The following ENTPD3 variants were observed in gnomAD, a reference collection of about 807,000 sequenced individuals.
The protein encoded by ENTPD3 is CD39 antigen-like 3.
Under a neutral mutation model 51.2 loss-of-function variants are expected in ENTPD3, and 60 were observed. The ratio of observed to expected loss-of-function variants is 1.17; its 90% CI spans 0.95 to 1.45. ENTPD3 has a LOEUF of 1.45. ENTPD3 is among the 40% of genes most tolerant of loss of function. ENTPD3 has a pLI of 0.00. For synonymous variants in ENTPD3, 221 were observed against 238.4 expected, an observed-to-expected ratio of 0.93 and a Z score of 0.67; for missense variants, 593 against 641.1, an observed-to-expected ratio of 0.93 and a Z score of 0.81.
intron 2 of ENTPD3, 141 bp downstream of exon 2, chr3:40,388,238 T>A: frequency 1.4e-6 from 1 of 730,212 alleles, no homozygotes; most frequent in South Asian, 1.7e-5. Context: ...TCAGCTGGGT[T>A]TCAACACCGG....
At chr3:40,416,949 ACT>A (rs1049779675) in intron 7 of ENTPD3, among the ~76,000 whole-genome samples, 14 of 151,582 alleles carry the variant, frequency 9.2e-5, no homozygotes, top group Admixed American at 7.2e-4. Context: ...ACAGGAACAG[ACT>A]CTATCCTGCA....
chr3:40,399,280 G>A (rs1008908499), intron 3 of ENTPD3, among the ~76,000 whole-genome samples: 1 of 152,136 alleles, frequency 6.6e-6, no homozygotes, highest in Non-Finnish European at 1.5e-5. Context: ...TTGGATTTGA[G>A]GGATGCTTTG....
rs1955919029 is a variant in ENTPD3 at position 40,423,363 on chromosome 3, T to G, written c.1177T>G (p.Ser393Ala). Reference sequence around the variant, plus strand: ...TAGCTTTTCCCTGGACACCTTCAACTCCAGCACCTGGAATTTCTGCTCACA... The same window carrying G: ...TAGCTTTTCCCTGGACACCTTCAACGCCAGCACCTGGAATTTCTGCTCACA... ...SGSFSLDTFN[S>A]STWNFCSQNW... The change falls in exon 9 of 11, where the codon TCC (serine) becomes GCC (alanine). Residue 393 changes from serine (S) to alanine (A), a missense_variant. Ser to Ala is a moderately conservative substitution (Grantham distance 99). Transcript: ENST00000301825. The G allele has an allele frequency of 1.9e-6, 3 of 1,613,918 alleles. No individual in the cohort carries two copies. In the East Asian group the frequency reaches 6.7e-5, roughly 36 times the overall value.
At chr3:40,409,420 G>T (rs1955578447) in intron 4 of ENTPD3, among the ~76,000 whole-genome samples, 1 of 152,170 alleles carries the variant, frequency 6.6e-6, no homozygotes, top group Non-Finnish European at 1.5e-5. Context: ...GTTGTAGGAG[G>T]TCATTGCCCC....
intron 1 of ENTPD3, among the ~76,000 whole-genome samples, chr3:40,387,617 C>G (rs1483466589): frequency 6.6e-6 from 1 of 152,148 alleles, no homozygotes; most frequent in Non-Finnish European, 1.5e-5. Context: ...TAAAGACTCC[C>G]TTCCCGGGGC....
chr3:40,389,534 G>A (rs576030606), intron 2 of ENTPD3, among the ~76,000 whole-genome samples: 14 of 152,316 alleles, frequency 9.2e-5, no homozygotes, highest in African/African-American at 3.4e-4. Flanking sequence ...CAGATGGCAT[G>A]CTTATTTGCA....
At chr3:40,413,322 A>C (rs1955676463) in intron 5 of ENTPD3, among the ~76,000 whole-genome samples, 1 of 152,194 alleles carries the variant, frequency 6.6e-6, no homozygotes, top group Non-Finnish European at 1.5e-5. Context: ...ACTTGACTTC[A>C]GGTAATAAGT....
Position 40,411,900 on chromosome 3 carries a change from A to C in ENTPD3, c.375A>C (p.Pro125=). ...ECMQKVKGQV[P]SHLHGSTPIH... Reference sequence around the variant, plus strand: ...TGCAAAAAGTCAAGGGGCAGGTTCCATCCCACCTCCACGGATCCACCCCCA... The same window carrying C: ...TGCAAAAAGTCAAGGGGCAGGTTCCCTCCCACCTCCACGGATCCACCCCCA... The change falls in exon 5 of 11, where the codon CCA becomes CCC. Residue 125 remains proline, a synonymous_variant. Coordinates refer to ENST00000301825, the MANE Select transcript of ENTPD3 (RefSeq NM_001248.4). The C allele has an allele frequency of 6.2e-7, 1 of 1,612,862 alleles. No homozygotes were observed. Among genetic ancestry groups the C allele is most frequent in the South Asian group, 1.1e-5 (1 of 90,660 alleles).
chr3:40,425,225 C>G (rs1955958140), intron 10 of ENTPD3, among the ~76,000 whole-genome samples: 1 of 151,918 alleles, frequency 6.6e-6, no homozygotes, highest in Non-Finnish European at 1.5e-5. Context: ...TGAGACCAGC[C>G]TGACCAACAT....
Position 40,400,370 on chromosome 3 carries a change from G to C in ENTPD3, c.169-524G>C, listed in dbSNP as rs112600724. Among the ~76,000 whole-genome samples, 844 of 152,038 alleles carry C rather than the reference G, an allele frequency of 5.6e-3. 7 individuals are homozygous for C. The highest frequency in any genetic ancestry group is 0.018 in the African/African-American group (757 of 41,454). ...TGGTTGTTTATTTTTAGACTGATAA[G>C]CCTAGAAGTTTGGAAATAGAGGGCA... On this transcript the variant is annotated intron_variant, in intron 3 of 10. Coordinates refer to ENST00000301825, the MANE Select transcript of ENTPD3 (RefSeq NM_001248.4).
Position 40,428,002 on chromosome 3 carries a change from T to C in ENTPD3, c.*494T>C, listed in dbSNP as rs1956015637. On this transcript the variant is annotated 3_prime_UTR_variant, in exon 11 of 11. Transcript: ENST00000301825. ...TAAGCAGTGAACCCCCTCAGATCAG[T>C]AGAATATAGTATCTGGGGGAGAAGA... The C allele has an allele frequency of 5.9e-6, 1 of 168,192 alleles. No homozygotes were observed. The highest frequency in any genetic ancestry group is 5.4e-5 in the Admixed American group (1 of 18,364). The allele number at this position is 168,192 out of a possible 1,614,324, so 10.4% of individuals were successfully genotyped here.
chr3:40,414,162 G>A (rs955494385), intron 5 of ENTPD3, among the ~76,000 whole-genome samples: 2 of 152,184 alleles, frequency 1.3e-5, no homozygotes, highest in African/African-American at 4.8e-5. Flanking sequence ...CAGCCATGAT[G>A]ACTGTCATAT....
intron 4 of ENTPD3, among the ~76,000 whole-genome samples, chr3:40,409,113 C>A (rs11707673): frequency 0.26 from 39,297 of 151,522 alleles, 5,937 homozygotes; most frequent in East Asian, 0.48. Flanking sequence ...TTAGCCGGGT[C>A]TGTTGGTGCA....
At chr3:40,415,810 T>C (rs1463951653) in intron 6 of ENTPD3, 30 bp from the exon 7 acceptor site, 1 of 1,587,692 alleles carries the variant, frequency 6.3e-7, no homozygotes, top group Non-Finnish European at 8.6e-7. Context: ...CCTTTGGCTT[T>C]CTTTCTCACT....
chr3:40,388,154 A>G (rs1954979506), intron 2 of ENTPD3, 57 bp downstream of exon 2: 22 of 1,511,628 alleles, frequency 1.5e-5, no homozygotes, highest in Non-Finnish European at 1.9e-5. Flanking sequence ...AGAGAACCCC[A>G]GCTTCGGCCT....
chr3:40,393,858 C>T (rs989544663), intron 3 of ENTPD3, among the ~76,000 whole-genome samples: 10 of 151,644 alleles, frequency 6.6e-5, no homozygotes, highest in Non-Finnish European at 7.4e-5. Context: ...TCCTGGCTAA[C>T]GTGGTGAAAC....
rs73830033 is a variant in ENTPD3, at chr3:40,406,576, C to T, written c.287-5236C>T. On this transcript the variant is annotated intron_variant, in intron 4 of 10. Coordinates refer to ENST00000301825, the MANE Select transcript of ENTPD3 (RefSeq NM_001248.4). Reference sequence around the variant, plus strand: ...CCAGTTAAGTGCTGTTAAATCAGTACGGGTGAGAGATTAGGTGATGGTCAA... The same window carrying T: ...CCAGTTAAGTGCTGTTAAATCAGTATGGGTGAGAGATTAGGTGATGGTCAA... Among the ~76,000 whole-genome samples, 1,166 of 152,296 alleles carry T rather than the reference C, an allele frequency of 7.7e-3. 10 individuals are homozygous for T. The highest frequency in any genetic ancestry group is 0.027 in the African/African-American group (1,119 of 41,554).
At chr3:40,393,272 A>G (rs900893269) in intron 3 of ENTPD3, among the ~76,000 whole-genome samples, 1 of 152,202 alleles carries the variant, frequency 6.6e-6, no homozygotes, top group African/African-American at 2.4e-5. Context: ...GTCCATTTAT[A>G]GTCTCTGTTT....
intron 10 of ENTPD3, chr3:40,424,800 A>C (rs1350618319): frequency 1.1e-5 from 8 of 701,772 alleles, no homozygotes; most frequent in Middle Eastern, 2.3e-4. Flanking sequence ...GGATGTCTGG[A>C]GTCAGCCTGT....
Sources: allele counts gnomAD v4.1 joint callset (sites outside exome capture counted in the v4.1 genomes callset), GRCh38; gene constraint gnomAD v4.1.1; transcripts MANE v1.5; gene names NCBI Gene and HGNC (gene_info 2026-07-23, HGNC 2026-07-21).